The following ALDH7A1 variants were observed in gnomAD, a reference collection of about 807,000 sequenced individuals.
ALDH7A1 encodes the protein alpha-aminoadipic semialdehyde dehydrogenase.
A neutral mutation model predicts 79.9 loss-of-function variants in ALDH7A1; 63 were observed. The observed-to-expected ratio is 0.79, with a 90% CI of 0.64 to 0.97. The LOEUF is 0.97. Ranked by LOEUF, ALDH7A1 falls within the 50% of genes least tolerant of loss-of-function variation. The pLI is 0.00. For missense variants in ALDH7A1, 627 were observed against 665.2 expected, an observed-to-expected ratio of 0.94 and a Z score of 0.63; for synonymous variants, 240 against 231.2, an observed-to-expected ratio of 1.04 and a Z score of -0.34.
chr5:126,564,508 C>T, intron 9 of ALDH7A1: 1 of 1,244,358 alleles, frequency 8.0e-7, no homozygotes, highest in East Asian at 3.2e-5. Flanking sequence ...ACTTTAAAAT[C>T]AGCTTCCATG....
intron 6 of ALDH7A1, among the ~76,000 whole-genome samples, 198 bp from the exon 7 acceptor site, chr5:126,575,662 T>C (rs928955097): frequency 6.6e-6 from 1 of 152,156 alleles, no homozygotes; most frequent in African/African-American, 2.4e-5. Flanking sequence ...AACAAAACTT[T>C]CATGAACATA....
rs150623275 is a variant in ALDH7A1, at chr5:126,568,272, C to T, written c.858G>A (p.Val286=). 92 of 1,614,120 alleles carry T rather than the reference C, an allele frequency of 5.7e-5. No homozygotes were observed. In the African/African-American group the frequency reaches 1.1e-3, roughly 19 times the overall value. ...TQVGKQVGLM[V]QERFGRSLLE... The stretch of plus-strand genomic sequence containing the variant: ...GCCAACACTTACCAAACCTCTCCTG[C>T]ACCATCAGGCCCACCTGTTTTCCCA... The change falls in exon 9 of 18, where the codon GTG becomes GTA. Residue 286 remains valine, a synonymous_variant. Transcript: ENST00000409134.
intron 14 of ALDH7A1, among the ~76,000 whole-genome samples, chr5:126,550,886 T>C (rs1436068626): frequency 6.6e-6 from 1 of 152,250 alleles, no homozygotes; most frequent in South Asian, 2.1e-4. Context: ...ATTCAAATAT[T>C]GATTCAATCT....
In ALDH7A1 at chr5:126,544,067, C is replaced by T. The variant is rs1238902952; in HGVS notation, c.*898G>A. The T allele has an allele frequency of 6.7e-6, 1 of 150,116 alleles. No individual in the cohort carries two copies. The highest frequency in any genetic ancestry group is 6.7e-5 in the Admixed American group (1 of 14,854). 9.3% of individuals were successfully genotyped at this position (150,116 alleles called of 1,614,324 possible). A position where few individuals can be genotyped will look rare whatever the true frequency, so the allele number is the denominator to read the frequency against. ...CTGCCTCCTGGGTTCACACAATTCT[C>T]CTGCCTCAGCCTCCCTAATAGCTGG... is the stretch of plus-strand genomic sequence containing the variant. On this transcript the variant is annotated 3_prime_UTR_variant, in exon 18 of 18. Coordinates refer to ENST00000409134, the MANE Select transcript of ALDH7A1 (RefSeq NM_001182.5).
intron 4 of ALDH7A1, 116 bp from the exon 5 acceptor site, chr5:126,583,090 C>T: frequency 7.7e-7 from 1 of 1,301,004 alleles, no homozygotes; most frequent in African/African-American, 1.5e-5. Flanking sequence ...TGAAGAAAGT[C>T]TGTTTCATTT....
chr5:126,557,931 G>A (rs1301584711), intron 11 of ALDH7A1, among the ~76,000 whole-genome samples: 1 of 151,896 alleles, frequency 6.6e-6, no homozygotes, highest in Non-Finnish European at 1.5e-5. Flanking sequence ...ACTTTGCAAG[G>A]CCGAGGTAGG....
At chr5:126,556,275 C>A (rs1750193741) in intron 11 of ALDH7A1, among the ~76,000 whole-genome samples, 2 of 125,906 alleles carry the variant, frequency 1.6e-5, no homozygotes. Context: ...CAGAGTCTCA[C>A]TCTGTCACCC....
chr5:126,590,762 G>A (rs576763168), intron 3 of ALDH7A1, among the ~76,000 whole-genome samples: 3 of 151,918 alleles, frequency 2.0e-5, no homozygotes, highest in South Asian at 2.1e-4. Flanking sequence ...TGGTGTGTAC[G>A]TGTAATCCCA....
intron 5 of ALDH7A1, among the ~76,000 whole-genome samples, chr5:126,577,909 C>A (rs1751033519): frequency 6.6e-6 from 1 of 151,428 alleles, no homozygotes; most frequent in South Asian, 2.1e-4. Context: ...GGGCCAACTT[C>A]TCTGAATTCA....
In ALDH7A1 at chr5:126,550,183, G is replaced by A. The variant is rs776975478; in HGVS notation, c.1415+13C>T. The A allele has an allele frequency of 1.1e-5, 18 of 1,609,742 alleles. No individual in the cohort carries two copies. The highest frequency in any genetic ancestry group is 1.3e-5 in the African/African-American group (1 of 74,926). ...CAGACTTATATAAATTTTCAAAATA[G>A]ACAAAGTTGTACCCAAGCCAGCGAA... On this transcript the variant is annotated intron_variant, in intron 15 of 17. Transcript: ENST00000409134.
intron 9 of ALDH7A1, 154 bp from the exon 10 acceptor site, chr5:126,561,278 C>A (rs1192100649): frequency 1.7e-5 from 8 of 479,848 alleles, no homozygotes; most frequent in Admixed American, 3.8e-5. Context: ...CTGATTACAC[C>A]CTATCCCAAT....
chr5:126,590,359 T>C (rs911608559), intron 3 of ALDH7A1, among the ~76,000 whole-genome samples: 6 of 152,238 alleles, frequency 3.9e-5, no homozygotes, highest in Admixed American at 6.5e-5. Flanking sequence ...GATGTTAAAG[T>C]TTACTTTTTA....
At chr5:126,551,197 G>A (rs1413796820) in intron 14 of ALDH7A1, among the ~76,000 whole-genome samples, 5 of 152,166 alleles carry the variant, frequency 3.3e-5, no homozygotes, top group Non-Finnish European at 7.3e-5. Context: ...TTACAAGCAT[G>A]AGCCATTGTG....
chr5:126,595,212 C>A lies in ALDH7A1; in HGVS notation c.-14G>T. The A allele has an allele frequency of 6.4e-7, 1 of 1,551,782 alleles. No homozygotes were observed. The highest frequency in any genetic ancestry group is 8.7e-7 in the Non-Finnish European group (1 of 1,147,022). ...AAGGCGCCACATACTGAGCCCGGGACTCGGGATGAGCCCAAGGCCCTGAGA... is the reference window on the plus strand; with the variant it reads ...AAGGCGCCACATACTGAGCCCGGGAATCGGGATGAGCCCAAGGCCCTGAGA... On this transcript the variant is annotated 5_prime_UTR_variant, in exon 1 of 18. Coordinates refer to ENST00000409134, the MANE Select transcript of ALDH7A1 (RefSeq NM_001182.5).
intron 10 of ALDH7A1, among the ~76,000 whole-genome samples, chr5:126,560,573 G>A (rs1241793588): frequency 6.6e-6 from 1 of 151,880 alleles, no homozygotes; most frequent in Non-Finnish European, 1.5e-5. Flanking sequence ...GCATTTTTGT[G>A]ACAAACTCAA....
At chr5:126,579,377 G>A (rs559866682) in intron 5 of ALDH7A1, among the ~76,000 whole-genome samples, 61 of 152,260 alleles carry the variant, frequency 4.0e-4, no homozygotes, top group African/African-American at 1.5e-3. Flanking sequence ...ATGAGGCTGG[G>A]TTAGGGGATC....
chr5:126,559,315 G>A lies in ALDH7A1; in HGVS notation c.933C>T (p.Leu311=), dbSNP rs1318208849. ...AGAGAGCTGATGGAACAACTAAGCT[G>A]AGGTCTGCATCTTCAAAGGCTTAGG... ...NAIIAFEDAD[L]SLVVPSALFA... is the part of the protein sequence containing the mutation. The change falls in exon 11 of 18, where the codon CTC becomes CTT. Residue 311 remains leucine, a synonymous_variant. Coordinates refer to ENST00000409134, the MANE Select transcript of ALDH7A1 (RefSeq NM_001182.5). The A allele has an allele frequency of 6.2e-7, 1 of 1,613,740 alleles. No homozygotes were observed. Among genetic ancestry groups the A allele is most frequent in the African/African-American group, 1.3e-5 (1 of 75,034 alleles).
At chr5:126,559,455 G>C (rs2112768852) in intron 10 of ALDH7A1, 121 bp from the exon 11 acceptor site, 1 of 609,272 alleles carries the variant, frequency 1.6e-6, no homozygotes, top group African/African-American at 2.3e-5. Context: ...TTTTTTTTGA[G>C]ACAGAGTTTT....
intron 3 of ALDH7A1, among the ~76,000 whole-genome samples, chr5:126,589,609 T>C (rs1380879036): frequency 2.6e-5 from 4 of 152,090 alleles, no homozygotes; most frequent in African/African-American, 9.7e-5. Context: ...TGAAACCCTG[T>C]CTCTACTAAC....
Sources: gnomAD v4.1 joint callset for allele counts (sites outside exome capture counted in the v4.1 genomes callset) on GRCh38, gnomAD v4.1.1 for gene constraint, MANE v1.5 for transcripts, NCBI Gene and HGNC (gene_info 2026-07-23, HGNC 2026-07-21) for gene names.